CEP95: variants seen among roughly 807,000 people sequenced by gnomAD.
CEP95 encodes centrosomal protein 95, also known as centrosomal protein of 95 kDa.
In CEP95, 98 loss-of-function variants were observed where a neutral mutation model predicts 111.2. The ratio of observed to expected loss-of-function variants is 0.88; its 90% confidence interval spans 0.75 to 1.04. The LOEUF (loss-of-function observed/expected upper bound fraction) is 1.04. Among genes scored for constraint, CEP95 ranks in the 50% least tolerant of loss-of-function variants. CEP95 has a pLI of 0.00. For synonymous variants in CEP95, 323 were observed against 327.1 expected, an observed-to-expected ratio of 0.99 and a Z score of 0.14; for missense variants, 1,027 against 977.2, an observed-to-expected ratio of 1.05 and a Z score of -0.68.
In CEP95 at chr17:64,510,247, G is replaced by T; in HGVS notation, c.223G>T (p.Asp75Tyr). The T allele has an allele frequency of 1.9e-6, 3 of 1,610,844 alleles. No individual in the cohort carries two copies. Among genetic ancestry groups the T allele is most frequent in the South Asian group, 1.1e-5 (1 of 90,440 alleles). Residue 75 changes from aspartate to tyrosine, a missense_variant, in exon 3 of 20, where the codon GAC becomes TAC. Asp to Tyr is a radical substitution (Grantham distance 160, BLOSUM62 -3). Coordinates refer to ENST00000556440, the MANE Select transcript of CEP95 (RefSeq NM_138363.3). ...VQAVIDSLAL[D>Y]YLQVSLSHIT... Reference sequence around the variant, plus strand: ...AGCAGTAATTGATTCACTGGCCTTGGACTACTTGCAGGTCAGCTTGTCTCA... The same window carrying T: ...AGCAGTAATTGATTCACTGGCCTTGTACTACTTGCAGGTCAGCTTGTCTCA...
chr17:64,534,435 C>G, intron 16 of CEP95, 150 bp from the exon 17 acceptor site: 4 of 644,256 alleles, frequency 6.2e-6, no homozygotes, highest in South Asian at 5.9e-5. Flanking sequence ...ATAAAGCTGC[C>G]AAAGGCTGAA....
intron 3 of CEP95, among the ~76,000 whole-genome samples, chr17:64,511,674 G>A (rs1407262725): frequency 3.9e-5 from 6 of 152,060 alleles, no homozygotes; most frequent in African/African-American, 1.2e-4. Context: ...ATCCTCCTCG[G>A]TTTACAAGAT....
At chr17:64,521,279 C>T in intron 6 of CEP95, 123 bp from the exon 7 acceptor site, 1 of 670,612 alleles carries the variant, frequency 1.5e-6, no homozygotes, top group Non-Finnish European at 2.5e-6. Flanking sequence ...GTTGGACCAA[C>T]ATTATTTCGT....
At chr17:64,529,191 CATCAGTCTCTTTGGATTTAGTG>C in intron 11 of CEP95, 75 bp from the exon 12 acceptor site, 1 of 1,069,638 alleles carries the variant, frequency 9.3e-7, no homozygotes, top group Non-Finnish European at 1.3e-6. Flanking sequence ...CACATTCACT[CATCAGTCTCTTTGGATTTAGTG>C]AAAACCAACT....
At position 64,531,020 on chromosome 17, in the gene CEP95, T is replaced by A. The variant is rs1968241550; in HGVS notation, c.1539+2T>A. 6.7e-7 allele frequency: 1 copy of A among 1,503,628 alleles called. No individual in the cohort carries two copies. The highest frequency in any genetic ancestry group is 9.0e-7 in the Non-Finnish European group (1 of 1,105,288). 93.1% of individuals were successfully genotyped at this position (1,503,628 alleles called of 1,614,324 possible). On this transcript the variant is annotated splice_donor_variant, in intron 13 of 19. Transcript: ENST00000556440. LOFTEE classifies it high-confidence loss of function. ...ATACATGAGAAGGAGGAGGAAACAG[T>A]GGGTAAAAGTCTCCACTGTAATAAA...
Position 64,510,223 on chromosome 17 carries a change from G to A in CEP95, c.199G>A (p.Ala67Thr), listed in dbSNP as rs1555674488. The stretch of plus-strand genomic sequence containing the variant: ...AGAAGATGATGCACACAATGTACAA[G>A]CAGTAATTGATTCACTGGCCTTGGA... The part of the protein sequence containing the change: ...SQEDDAHNVQ[A>T]VIDSLALDYL... The change falls in exon 3 of 20, where the codon GCA becomes ACA. Residue 67 changes from alanine to threonine, a missense_variant. Transcript: ENST00000556440. 2.5e-6 allele frequency: 4 copies of A among 1,612,188 alleles called. No homozygotes were observed. Among genetic ancestry groups the A allele is most frequent in the Non-Finnish European group, 3.4e-6 (4 of 1,179,010 alleles).
At chr17:64,516,681 A>C (rs782165034) in intron 4 of CEP95, 42 bp from the exon 5 acceptor site, 17 of 1,229,680 alleles carry the variant, frequency 1.4e-5, no homozygotes, top group Middle Eastern at 1.9e-4. Context: ...AGTAGTATTC[A>C]CTTAGGGGTT....
chr17:64,525,351 AG>A (rs750919047), intron 8 of CEP95, among the ~76,000 whole-genome samples: 9 of 152,146 alleles, frequency 5.9e-5, no homozygotes, highest in Non-Finnish European at 1.3e-4. Flanking sequence ...TAAAATGTTA[AG>A]GGTTTATATT....
In CEP95 at chr17:64,527,128, G is replaced by C; in HGVS notation, c.1170G>C (p.Leu390=). 2 of 1,612,694 alleles carry C rather than the reference G, an allele frequency of 1.2e-6. No homozygotes were observed. The highest frequency in any genetic ancestry group is 1.1e-5 in the South Asian group (1 of 90,978). ...SELDWMLKSA[L]GDRIKEKTDH... is the part of the protein sequence containing the mutation. ...CTCAATAGATGTTAAAAAGTGCTCTGGGTGATCGGATTAAAGAAAAGACTG... is the reference window on the plus strand; with the variant it reads ...CTCAATAGATGTTAAAAAGTGCTCTCGGTGATCGGATTAAAGAAAAGACTG... The change falls in exon 11 of 20, where the codon CTG becomes CTC. Residue 390 remains leucine (L), a synonymous_variant. Coordinates refer to ENST00000556440, the MANE Select transcript of CEP95 (RefSeq NM_138363.3).
chr17:64,516,831 A>T lies in CEP95; in HGVS notation c.473+3A>T. 1 of 1,523,646 alleles carries T rather than the reference A, an allele frequency of 6.6e-7. No homozygotes were observed. The highest frequency in any genetic ancestry group is 1.1e-5 in the South Asian group (1 of 88,626). The allele number at this position is 1,523,646 out of a possible 1,614,324, so 94.4% of individuals were successfully genotyped here. On this transcript the variant is annotated splice_donor_region_variant and intron_variant, in intron 5 of 19. Transcript: ENST00000556440. ...TGGAAAAGAGTTTCTTTTGGGAGGT[A>T]GCACTTAGTGTCTCTGAATTTGATG... is the stretch of plus-strand genomic sequence containing the variant.
At chr17:64,517,437 T>G (rs1271928425) in intron 5 of CEP95, among the ~76,000 whole-genome samples, 2 of 152,220 alleles carry the variant, frequency 1.3e-5, no homozygotes, top group African/African-American at 4.8e-5. Context: ...TATTCCGAAC[T>G]AAATAACTGC....
intron 17 of CEP95, chr17:64,535,684 A>T (rs1222209163): frequency 1.3e-5 from 2 of 152,206 alleles, no homozygotes; most frequent in Non-Finnish European, 2.9e-5. Flanking sequence ...AGTTCCTCAG[A>T]AGGTTACCAA....
chr17:64,508,587 A>G lies in CEP95; in HGVS notation c.20-5A>G. The G allele has an allele frequency of 7.2e-7, 1 of 1,382,498 alleles. No individual in the cohort carries two copies. The highest frequency in any genetic ancestry group is 9.5e-7 in the Non-Finnish European group (1 of 1,055,756). 85.6% of individuals were successfully genotyped at this position (1,382,498 alleles called of 1,614,324 possible). A position where few individuals can be genotyped will look rare whatever the true frequency, so the allele number is the denominator to read the frequency against. ...AGACTGATCTTTCCCCCTTTTTCCC[A>G]ACAGAGTGGGTAACCATTGCCAATA... On this transcript the variant is annotated splice_polypyrimidine_tract_variant and splice_region_variant and intron_variant, in intron 1 of 19. Transcript: ENST00000556440.
chr17:64,531,078 G>T, intron 13 of CEP95, 60 bp downstream of exon 13: 1 of 987,286 alleles, frequency 1.0e-6, no homozygotes. Flanking sequence ...GAAGTACAAA[G>T]ATGATCTTTT....
In CEP95 at chr17:64,511,303, G is replaced by A. The variant is rs9916820; in HGVS notation, c.256+1023G>A. Among the ~76,000 whole-genome samples, 1,217 of 152,272 alleles carry A rather than the reference G, an allele frequency of 8.0e-3. 18 individuals carry two copies. The highest frequency in any genetic ancestry group is 0.028 in the African/African-American group (1,152 of 41,548). On this transcript the variant is annotated intron_variant, in intron 3 of 19. Transcript: ENST00000556440. ...TCTTCTTCCTAATAAGCCTGGGAGC[G>A]ATATGGGAGACTGAGGTCTATTTCA... is the stretch of plus-strand genomic sequence containing the variant.
At position 64,508,597 on chromosome 17, in the gene CEP95, G is replaced by A. The variant is rs1555673699; in HGVS notation, c.25G>A (p.Val9Ile). MAGSDAEWVTIANNLLFKC... is the reference protein window; with the variant it reads MAGSDAEWITIANNLLFKC... ...TTCCCCCTTTTTCCCAACAGAGTGG[G>A]TAACCATTGCCAATAACCTTCTTTT... The change falls in exon 2 of 20, where the codon GTA (valine) becomes ATA (isoleucine). Residue 9 changes from valine (V) to isoleucine (I), a missense_variant. By Grantham distance (29) the Val-to-Ile change is conservative. Coordinates refer to ENST00000556440, the MANE Select transcript of CEP95 (RefSeq NM_138363.3). The A allele has an allele frequency of 2.9e-6, 4 of 1,402,732 alleles. No individual in the cohort carries two copies. Among genetic ancestry groups the A allele is most frequent in the South Asian group, 3.7e-5 (2 of 54,114 alleles). The allele number at this position is 1,402,732 out of a possible 1,614,324, so 86.9% of individuals were successfully genotyped here.
In CEP95 at chr17:64,507,050, T is replaced by C. The variant is rs1555673129; in HGVS notation, c.-48T>C. ...GTGGATCGGTCCTTCCAGGACACCG[T>C]CGCCTTCCCGGCCGCGTCGGAGTCC... On this transcript the variant is annotated 5_prime_UTR_variant, in exon 1 of 20. Coordinates refer to ENST00000556440, the MANE Select transcript of CEP95 (RefSeq NM_138363.3). The C allele has an allele frequency of 6.5e-7, 1 of 1,550,290 alleles. No homozygotes were observed. The highest frequency in any genetic ancestry group is 2.4e-5 in the East Asian group (1 of 40,912).
At chr17:64,509,829 T>C (rs561378416) in intron 2 of CEP95, among the ~76,000 whole-genome samples, 1 of 152,212 alleles carries the variant, frequency 6.6e-6, no homozygotes, top group Admixed American at 6.5e-5. Context: ...CTATTAGCTG[T>C]CTTTGAATTT....
chr17:64,532,340 AG>A, intron 14 of CEP95: 1 of 1,091,610 alleles, frequency 9.2e-7, no homozygotes, highest in Non-Finnish European at 1.1e-6. Context: ...GTAGAATGAA[AG>A]GGATGCTCCA....
Sources: allele counts gnomAD v4.1 joint callset (sites outside exome capture counted in the v4.1 genomes callset), GRCh38; gene constraint gnomAD v4.1.1; transcripts MANE v1.5; gene names NCBI Gene and HGNC (gene_info 2026-07-23, HGNC 2026-07-21).